CFAP20DC: variants seen among roughly 807,000 people sequenced by gnomAD.
CFAP20DC encodes the protein protein CFAP20DC.
CFAP20DC carries 84 observed loss-of-function variants against 101.7 expected under a neutral mutation model. That is an observed-to-expected ratio of 0.83 (90% CI 0.69 to 0.99). The LOEUF is 0.99. CFAP20DC is among the 50% of genes least tolerant of loss of function. The pLI is 0.00. For missense variants in CFAP20DC, 1,007 were observed against 970.3 expected (o/e 1.04, Z -0.50); for synonymous variants, 359 against 351.2 (o/e 1.02, Z -0.25).
At chr3:58,767,138 G>A (rs60109906) in intron 15 of CFAP20DC, among the ~76,000 whole-genome samples, 1 of 152,092 alleles carries the variant, frequency 6.6e-6, no homozygotes, top group Non-Finnish European at 1.5e-5. Context: ...TTGAAATAGT[G>A]TCTTTCTTAG....
intron 3 of CFAP20DC, among the ~76,000 whole-genome samples, chr3:59,044,995 C>T (rs1220016338): frequency 6.6e-6 from 1 of 150,954 alleles, no homozygotes; most frequent in African/African-American, 2.5e-5. Flanking sequence ...CAGACACACA[C>T]ACACACACAC....
At chr3:58,797,415 C>A (rs1396807277) in intron 15 of CFAP20DC, among the ~76,000 whole-genome samples, 4 of 152,288 alleles carry the variant, frequency 2.6e-5, no homozygotes, top group African/African-American at 9.6e-5. Flanking sequence ...TAATCCAGAA[C>A]AAGGCCCTAA....
At chr3:58,895,160 T>G (rs1398322348) in intron 6 of CFAP20DC, among the ~76,000 whole-genome samples, 1 of 152,252 alleles carries the variant, frequency 6.6e-6, no homozygotes, top group Non-Finnish European at 1.5e-5. Flanking sequence ...TCTTAGGGGT[T>G]AACATTCAGC....
In CFAP20DC at chr3:58,800,143, T is replaced by C. The variant is rs551382416; in HGVS notation, c.2237+6252A>G. ...GGTCCTAAGGGCAATGGGAAACCACTGGGAAGTTTTACAAGGGGCAATGCC... is the reference window on the plus strand; with the variant it reads ...GGTCCTAAGGGCAATGGGAAACCACCGGGAAGTTTTACAAGGGGCAATGCC... On this transcript the variant is annotated intron_variant, in intron 15 of 16. Transcript: ENST00000482387. Among the ~76,000 whole-genome samples the C allele has an allele frequency of 1.1e-4, 16 of 152,236 alleles. 1 individual carries two copies. The East Asian group carries it at 2.9e-3, about 28-fold the overall frequency.
chr3:58,800,417 C>T (rs1352532449), intron 15 of CFAP20DC, among the ~76,000 whole-genome samples: 1 of 152,098 alleles, frequency 6.6e-6, no homozygotes, highest in East Asian at 1.9e-4. Context: ...ACAGGGATCA[C>T]CCTTGGTTTC....
chr3:58,990,401 G>T (rs2092901528), intron 4 of CFAP20DC, among the ~76,000 whole-genome samples: 1 of 152,136 alleles, frequency 6.6e-6, no homozygotes, highest in South Asian at 2.1e-4. Flanking sequence ...CTTGTTGCTA[G>T]AGAAAAGACA....
chr3:58,944,571 A>T (rs2089085359), intron 4 of CFAP20DC, among the ~76,000 whole-genome samples: 1 of 152,158 alleles, frequency 6.6e-6, no homozygotes, highest in African/African-American at 2.4e-5. Flanking sequence ...ACTAGTATAG[A>T]CATCGTGCTA....
intron 7 of CFAP20DC, among the ~76,000 whole-genome samples, chr3:58,883,704 C>T (rs977483717): frequency 6.6e-6 from 1 of 152,092 alleles, no homozygotes; most frequent in Non-Finnish European, 1.5e-5. Flanking sequence ...TGAGTGTCAC[C>T]TGAACGACAT....
In CFAP20DC at chr3:58,732,919, A is replaced by G. The variant is rs1283013826; in HGVS notation, c.198-15291T>C. On this transcript the variant is annotated intron_variant, in intron 3 of 3. Coordinates refer to the CFAP20DC transcript ENST00000486145. This position sits in a 1 kb window ranked among gnomAD's most constrained non-coding sequence, Gnocchi z 5.4. ...GGATGGCTGACCTTCCGAGTAGAAA[A>G]TAAATGCAAAGCTGAAGAGGATTAT... Among the ~76,000 whole-genome samples the G allele has an allele frequency of 1.3e-5, 2 of 152,246 alleles. No homozygotes were observed. The highest frequency in any genetic ancestry group is 2.4e-5 in the African/African-American group (1 of 41,470).
intron 3 of CFAP20DC, among the ~76,000 whole-genome samples, chr3:58,733,069 C>T (rs1348809306): frequency 6.6e-6 from 1 of 152,204 alleles, no homozygotes. Context: ...TGGTGGCTCA[C>T]GCCTGTAATT....
At chr3:58,984,279 C>A (rs1053026493) in intron 4 of CFAP20DC, among the ~76,000 whole-genome samples, 1 of 152,168 alleles carries the variant, frequency 6.6e-6, no homozygotes, top group African/African-American at 2.4e-5. Flanking sequence ...TGTTGTGACA[C>A]TATATTTGTC....
chr3:58,733,200 C>T (rs1329418762), intron 3 of CFAP20DC, among the ~76,000 whole-genome samples: 1 of 152,034 alleles, frequency 6.6e-6, no homozygotes, highest in Non-Finnish European at 1.5e-5. Context: ...GGCGTGGTGG[C>T]GCATGCCTGT....
intron 10 of CFAP20DC, among the ~76,000 whole-genome samples, 171 bp downstream of exon 10, chr3:58,867,646 A>T (rs2079806427): frequency 6.6e-6 from 1 of 152,184 alleles, no homozygotes; most frequent in Admixed American, 6.5e-5. Flanking sequence ...TCCATTAGGG[A>T]TCTAGAGCAA....
At chr3:59,017,262 G>A (rs570930860) in intron 4 of CFAP20DC, 1 of 152,118 alleles carries the variant, frequency 6.6e-6, no homozygotes, top group Non-Finnish European at 1.5e-5. Context: ...AAAAACCTGA[G>A]ATGAAAGATG....
intron 14 of CFAP20DC, among the ~76,000 whole-genome samples, chr3:58,818,306 T>C (rs1317828260): frequency 6.7e-6 from 1 of 149,046 alleles, no homozygotes; most frequent in African/African-American, 2.5e-5. Context: ...ACTTTAAATG[T>C]AAATGGACTA....
chr3:59,042,451 T>C (rs1576817647), intron 3 of CFAP20DC, among the ~76,000 whole-genome samples: 1 of 151,982 alleles, frequency 6.6e-6, no homozygotes, highest in Admixed American at 6.6e-5. Context: ...GTAAATGCTG[T>C]AGGTAGAGGG....
intron 4 of CFAP20DC, among the ~76,000 whole-genome samples, chr3:58,960,682 C>G (rs1348031564): frequency 6.6e-6 from 1 of 152,070 alleles, no homozygotes; most frequent in East Asian, 1.9e-4. Flanking sequence ...TTAAAAAATG[C>G]ATTACATTGG....
chr3:58,816,607 A>G (rs1233973033), intron 14 of CFAP20DC, among the ~76,000 whole-genome samples: 1 of 149,988 alleles, frequency 6.7e-6, no homozygotes, highest in Non-Finnish European at 1.5e-5. Flanking sequence ...GTGAACCACG[A>G]GATTATATCC....
intron 11 of CFAP20DC, among the ~76,000 whole-genome samples, chr3:58,865,636 C>T (rs1046111658): frequency 3.9e-5 from 6 of 152,196 alleles, no homozygotes; most frequent in African/African-American, 1.4e-4. Flanking sequence ...GTGCTGGGTA[C>T]ATGACAGTGC....
Sources: allele counts gnomAD v4.1 joint callset (sites outside exome capture counted in the v4.1 genomes callset), GRCh38; gene constraint gnomAD v4.1.1; non-coding constraint Gnocchi (gnomAD v3.1); transcripts MANE v1.5; gene names NCBI Gene and HGNC (gene_info 2026-07-23, HGNC 2026-07-21).